The following HERC1 variants were observed in gnomAD, a reference collection of about 807,000 sequenced individuals.
HERC1 encodes probable E3 ubiquitin-protein ligase HERC1.
A neutral mutation model predicts 554.3 loss-of-function variants in HERC1; 160 were observed. That is an observed-to-expected ratio of 0.29 (90% CI 0.25 to 0.33). The LOEUF (loss-of-function observed/expected upper bound fraction) is 0.33. Among genes scored for constraint, HERC1 ranks in the 10% least tolerant of loss-of-function variants. HERC1 has a pLI of 1.00. For synonymous variants in HERC1, 2,175 were observed against 2,131.7 expected (o/e 1.02, Z -0.56); for missense variants, 4,919 against 5,918.5 (o/e 0.83, Z 5.54).
intron 1 of HERC1, among the ~76,000 whole-genome samples, chr15:63,829,859 A>G (rs2078097245): frequency 6.6e-6 from 1 of 152,008 alleles, no homozygotes; most frequent in Admixed American, 6.6e-5. Flanking sequence ...CCAAAGCTGG[A>G]ACAATTTGAA....
Position 63,758,122 on chromosome 15 carries a change from C to A in HERC1, c.1221+53G>T. 1.6e-6 allele frequency: 2 copies of A among 1,259,078 alleles called. No individual in the cohort carries two copies. The highest frequency in any genetic ancestry group is 2.3e-6 in the Non-Finnish European group (2 of 886,290). 78.0% of individuals were successfully genotyped at this position (1,259,078 alleles called of 1,614,324 possible). A position where few individuals can be genotyped will look rare whatever the true frequency, so the allele number is the denominator to read the frequency against. The stretch of plus-strand genomic sequence containing the variant: ...CTCAGTATTATTTAATGCAAATAAG[C>A]ATGAATATACACCAGATTATCTACC... On this transcript the variant is annotated intron_variant, in intron 4 of 77. Coordinates refer to ENST00000443617, the MANE Select transcript of HERC1 (RefSeq NM_003922.4). The surrounding 1 kb of genome is among the most constrained non-coding windows in gnomAD (Gnocchi z 4.0).
At position 63,690,521 on chromosome 15, in the gene HERC1, A is replaced by G; in HGVS notation, c.5937+20T>C. The G allele has an allele frequency of 2.0e-6, 3 of 1,514,744 alleles. No homozygotes were observed. The highest frequency in any genetic ancestry group is 1.8e-6 in the Non-Finnish European group (2 of 1,098,588). 93.8% of individuals were successfully genotyped at this position (1,514,744 alleles called of 1,614,324 possible). On this transcript the variant is annotated intron_variant, in intron 32 of 77. Coordinates refer to ENST00000443617, the MANE Select transcript of HERC1 (RefSeq NM_003922.4). ...TTGCAAATATGGAAAACATCTTCTAATAATTTTAAAAATAAAAACCTGGGC... is the reference window on the plus strand; with the variant it reads ...TTGCAAATATGGAAAACATCTTCTAGTAATTTTAAAAATAAAAACCTGGGC...
intron 3 of HERC1, among the ~76,000 whole-genome samples, chr15:63,760,867 A>G (rs1397484322): frequency 1.3e-5 from 2 of 152,148 alleles, no homozygotes; most frequent in African/African-American, 4.8e-5. Context: ...GAATAATATC[A>G]AGACATATTC....
rs1567069615 is a variant in HERC1, at chr15:63,737,454, GATATATATATATATATCTTTTTTCCAGAT to G, written c.2521-2634_2521-2606del. Among the ~76,000 whole-genome samples the G allele has an allele frequency of 1.4e-3, 98 of 68,040 alleles. 9 individuals carry two copies. Among genetic ancestry groups the G allele is most frequent in the African/African-American group, 6.2e-3 (96 of 15,482 alleles). The allele number at this position is 68,040 out of a possible 152,430, so 44.6% of individuals were successfully genotyped here. A position where few individuals can be genotyped will look rare whatever the true frequency, so the allele number is the denominator to read the frequency against. On this transcript the variant is annotated intron_variant, in intron 12 of 77. Transcript: ENST00000443617. ...TATATATATATATATCTTTTTTCCA[GATATATATATATATATCTTTTTTCCAGAT>G]ATATATATATACATATATATATCTT...
rs377404008 is a variant in HERC1, at chr15:63,755,338, C to T, written c.1534-13G>A. On this transcript the variant is annotated splice_polypyrimidine_tract_variant and intron_variant, in intron 5 of 77. Coordinates refer to ENST00000443617, the MANE Select transcript of HERC1 (RefSeq NM_003922.4). ...CACAAACAACTACCTGCATTGCACA[C>T]AAGTAAATACGATGAGTATGCACAT... The T allele has an allele frequency of 1.3e-6, 2 of 1,587,772 alleles. No homozygotes were observed. The highest frequency in any genetic ancestry group is 2.7e-5 in the African/African-American group (2 of 74,414).
rs1395034716 is a variant in HERC1 at position 63,825,906 on chromosome 15, G to A, written c.-27+7921C>T. On this transcript the variant is annotated intron_variant, in intron 1 of 77. Transcript: ENST00000443617. ...GCCTCCCGAGTAGCTGGGATTACAG[G>A]CACCCGCCACCATGCTCAGTTAATT... 2.6e-5 allele frequency among the ~76,000 whole-genome samples: 4 copies of A among 151,958 alleles called. No homozygotes were observed. The East Asian group carries it at 7.7e-4, about 29-fold the overall frequency.
chr15:63,824,259 C>T (rs984788943), intron 1 of HERC1, among the ~76,000 whole-genome samples: 2 of 152,050 alleles, frequency 1.3e-5, no homozygotes, highest in Admixed American at 6.6e-5. Flanking sequence ...AAGGGCTGGG[C>T]GCAGTTGCTC....
chr15:63,641,438 G>A (rs767253843), intron 60 of HERC1, 32 bp downstream of exon 60: 6 of 1,558,900 alleles, frequency 3.8e-6, no homozygotes, highest in Non-Finnish European at 5.3e-6. Context: ...CCAGGTATCT[G>A]TGTATCTCTA....
intron 55 of HERC1, among the ~76,000 whole-genome samples, chr15:63,647,123 G>A (rs1007715340): frequency 6.6e-6 from 1 of 151,928 alleles, no homozygotes; most frequent in Non-Finnish European, 1.5e-5. Context: ...GTTTGGTGGT[G>A]GGTGCCTGTA....
At chr15:63,725,824 C>T (rs1448003466) in intron 17 of HERC1, among the ~76,000 whole-genome samples, 1 of 152,136 alleles carries the variant, frequency 6.6e-6, no homozygotes, top group East Asian at 1.9e-4. Context: ...GACCAAAATT[C>T]ACTATCTTTA....
At chr15:63,684,337 A>C (rs2071631760) in intron 34 of HERC1, among the ~76,000 whole-genome samples, 1 of 152,242 alleles carries the variant, frequency 6.6e-6, no homozygotes, top group African/African-American at 2.4e-5. Flanking sequence ...TCTTTTCCAG[A>C]CTGCCCACTG....
chr15:63,676,270 C>T (rs558198574), intron 37 of HERC1, among the ~76,000 whole-genome samples: 3 of 152,106 alleles, frequency 2.0e-5, no homozygotes, highest in East Asian at 3.9e-4. Context: ...GAGGAAAGGT[C>T]GACACTTGCA....
intron 12 of HERC1, among the ~76,000 whole-genome samples, chr15:63,739,668 G>A: frequency 6.6e-6 from 1 of 151,904 alleles, no homozygotes; most frequent in East Asian, 2.0e-4. Flanking sequence ...GTGAAACCCT[G>A]TCTCTACTAA....
At chr15:63,747,910 T>C (rs996730560) in intron 10 of HERC1, 52 bp from the exon 11 acceptor site, 19 of 1,499,896 alleles carry the variant, frequency 1.3e-5, no homozygotes, top group Non-Finnish European at 1.7e-5. Flanking sequence ...GAAATTTTTA[T>C]GCACGATCAA....
At chr15:63,783,315 T>A (rs2076340992) in intron 1 of HERC1, among the ~76,000 whole-genome samples, 1 of 152,052 alleles carries the variant, frequency 6.6e-6, no homozygotes, top group Non-Finnish European at 1.5e-5. Context: ...CCCATCCCGA[T>A]CAGTCAGCAG....
At position 63,638,793 on chromosome 15, in the gene HERC1, A is replaced by C. The variant is rs1203432257; in HGVS notation, c.11902-17T>G. 1 of 1,605,062 alleles carries C rather than the reference A, an allele frequency of 6.2e-7. No homozygotes were observed. The highest frequency in any genetic ancestry group is 1.1e-5 in the South Asian group (1 of 90,908). On this transcript the variant is annotated splice_polypyrimidine_tract_variant and intron_variant, in intron 61 of 77. Transcript: ENST00000443617. ...ACTGTTATCCTGAAAAACAGGGGGT[A>C]CATAATGATCAATTCTGCTTAGGCA...
At position 63,663,024 on chromosome 15, in the gene HERC1, A is replaced by C. The variant is rs763952324; in HGVS notation, c.8861T>G (p.Leu2954Arg). Residue 2954 changes from leucine to arginine, a missense_variant, in exon 44 of 78, where the codon CTG (leucine) becomes CGG (arginine). This residue lies in a region of HERC1 where 1,963 missense variants were observed against 2,228.6 expected (regional missense o/e 0.88). Coordinates refer to ENST00000443617, the MANE Select transcript of HERC1 (RefSeq NM_003922.4). Reference protein sequence around the residue: ...GQDLTSDNDILGMWIPEVLDW... With the variant: ...GQDLTSDNDIRGMWIPEVLDW... ...CAGTACCTCTGGGATCCACATTCCC[A>C]GAATATCATTGTCACTGGTCAGGTC... 2.5e-6 allele frequency: 4 copies of C among 1,613,894 alleles called. No individual in the cohort carries two copies. The highest frequency in any genetic ancestry group is 3.4e-6 in the Non-Finnish European group (4 of 1,179,886).
At chr15:63,732,758 T>C (rs1261679757) in intron 14 of HERC1, among the ~76,000 whole-genome samples, 166 bp downstream of exon 14, 3 of 152,264 alleles carry the variant, frequency 2.0e-5, no homozygotes, top group Non-Finnish European at 2.9e-5. Context: ...CAATTACATG[T>C]TATTTTGTCC....
chr15:63,739,003 A>G (rs926034358), intron 12 of HERC1, among the ~76,000 whole-genome samples: 3 of 150,952 alleles, frequency 2.0e-5, no homozygotes, highest in Non-Finnish European at 4.4e-5. Flanking sequence ...TCAAATTGAC[A>G]TATAATCCAC....
Sources: allele counts gnomAD v4.1 joint callset (sites outside exome capture counted in the v4.1 genomes callset), GRCh38; gene constraint gnomAD v4.1.1; regional missense constraint gnomAD v4.1.1; non-coding constraint Gnocchi (gnomAD v3.1); transcripts MANE v1.5; gene names NCBI Gene and HGNC (gene_info 2026-07-23, HGNC 2026-07-21).